ICE2: variants seen among roughly 807,000 people sequenced by gnomAD.
ICE2 encodes the protein little elongation complex subunit 2.
Under a neutral mutation model 105.4 loss-of-function variants are expected in ICE2, and 87 were observed. The observed-to-expected ratio is 0.83, with a 90% CI of 0.69 to 0.99. The LOEUF is 0.99. ICE2 is among the 50% of genes least tolerant of loss of function. The probability of loss-of-function intolerance (pLI) is 0.00; values close to 1 mark genes in which losing one functional copy is unlikely to be tolerated. For missense variants in ICE2, 1,323 were observed against 1,146.7 expected, an observed-to-expected ratio of 1.15 and a Z score of -2.22; for synonymous variants, 399 against 392.0, an observed-to-expected ratio of 1.02 and a Z score of -0.21.
In ICE2 at chr15:60,449,719, T is replaced by G; in HGVS notation, c.1248A>C (p.Ser416=). ...FGVTTTKVSK[S]PSPASTSTVP... is the part of the protein sequence containing the mutation. ...CTGTGGAAGTACTTGCTGGACTTGG[T>G]GATTTTGATACTTTGGTGGTGGTTA... Residue 416 remains serine (S), a synonymous_variant, in exon 10 of 16, where the codon TCA becomes TCC. Coordinates refer to ENST00000261520, the MANE Select transcript of ICE2 (RefSeq NM_024611.6). 1 of 1,614,192 alleles carries G rather than the reference T, an allele frequency of 6.2e-7. No individual in the cohort carries two copies. Among genetic ancestry groups the G allele is most frequent in the Non-Finnish European group, 8.5e-7 (1 of 1,180,032 alleles).
Position 60,476,082 on chromosome 15 carries a change from G to C in ICE2, c.127C>G (p.Leu43Val). The C allele has an allele frequency of 6.2e-7, 1 of 1,600,168 alleles. No homozygotes were observed. The highest frequency in any genetic ancestry group is 8.5e-7 in the Non-Finnish European group (1 of 1,174,102). ...DHSMAPSLKE[L>V]RVLSNRRIGE... ...TATTACCTGTTGGATAAAACACGTA[G>C]TTCTTTTAAACTTGGAGCCATGGAA... The change falls in exon 3 of 16, where the codon CTA becomes GTA. Residue 43 changes from leucine (L) to valine (V), a missense_variant. Leu to Val is a conservative substitution (Grantham distance 32, BLOSUM62 1). Coordinates refer to ENST00000261520, the MANE Select transcript of ICE2 (RefSeq NM_024611.6).
rs368911245 is a variant in ICE2 at position 60,456,584 on chromosome 15, T to TAC, written c.666+71_666+72dup. The TAC allele has an allele frequency of 5.5e-3, 1,093 of 197,514 alleles. 6 individuals are homozygous for TAC. The highest frequency in any genetic ancestry group is 0.02 in the Middle Eastern group (11 of 562). The allele number at this position is 197,514 out of a possible 1,614,324, so 12.2% of individuals were successfully genotyped here. Reference sequence around the variant, plus strand: ...ATAAATAAATATATATATATATATATACACACACACACACACACACACACA... The same window carrying TAC: ...ATAAATAAATATATATATATATATATACACACACACACACACACACACACACA... On this transcript the variant is annotated intron_variant, in intron 6 of 15. Coordinates refer to ENST00000261520, the MANE Select transcript of ICE2 (RefSeq NM_024611.6).
chr15:60,449,157 C>A lies in ICE2; in HGVS notation c.1810G>T (p.Ala604Ser). Residue 604 changes from alanine to serine, a missense_variant, in exon 10 of 16, where the codon GCT becomes TCT. By Grantham distance (99) the Ala-to-Ser change is moderately conservative. Coordinates refer to ENST00000261520, the MANE Select transcript of ICE2 (RefSeq NM_024611.6). ...VVGSNLSSRP[A>S]SPNSSSGQAS... is the part of the protein sequence containing the mutation. ...TGTCCTGAGGAAGAATTTGGACTAGCTGGTCTGGAACTTAAGTTAGAACCC... is the reference window on the plus strand; with the variant it reads ...TGTCCTGAGGAAGAATTTGGACTAGATGGTCTGGAACTTAAGTTAGAACCC... 4 of 1,614,076 alleles carry A rather than the reference C, an allele frequency of 2.5e-6. No individual in the cohort carries two copies. Among genetic ancestry groups the A allele is most frequent in the Non-Finnish European group, 3.4e-6 (4 of 1,179,956 alleles).
In ICE2 at chr15:60,449,626, T is replaced by G. The variant is rs776748506; in HGVS notation, c.1341A>C (p.Pro447=). ...AGTTTVAPSA[P]DISANSRSLS... ...AACTTCTAGAATTAGCAGAAATGTCTGGTGCACTTGGTGCCACAGTTGTAG... is the reference window on the plus strand; with the variant it reads ...AACTTCTAGAATTAGCAGAAATGTCGGGTGCACTTGGTGCCACAGTTGTAG... The change falls in exon 10 of 16, where the codon CCA becomes CCC. Residue 447 remains proline (P), a synonymous_variant. Transcript: ENST00000261520. 3 of 1,614,116 alleles carry G rather than the reference T, an allele frequency of 1.9e-6. No individual in the cohort carries two copies. In the South Asian group the frequency reaches 3.3e-5, roughly 18 times the overall value.
At chr15:60,464,463 G>C (rs921777245) in intron 5 of ICE2, among the ~76,000 whole-genome samples, 1 of 152,146 alleles carries the variant, frequency 6.6e-6, no homozygotes, top group South Asian at 2.1e-4. Flanking sequence ...AGGGTAATCA[G>C]GGACACCCTC....
At chr15:60,431,741 C>T (rs1445504358) in intron 14 of ICE2, among the ~76,000 whole-genome samples, 193 bp downstream of exon 14, 2 of 152,198 alleles carry the variant, frequency 1.3e-5, no homozygotes, top group African/African-American at 4.8e-5. Context: ...GGAAAATGTA[C>T]TTGCAAGCTC....
chr15:60,463,810 A>G (rs2141126755), intron 5 of ICE2, among the ~76,000 whole-genome samples: 1 of 152,244 alleles, frequency 6.6e-6, no homozygotes, highest in East Asian at 1.9e-4. Context: ...ATCAGGCAAA[A>G]GAGAAGTAGA....
At chr15:60,453,176 G>A (rs1340080690) in intron 9 of ICE2, 5 of 914,010 alleles carry the variant, frequency 5.5e-6, no homozygotes, top group Non-Finnish European at 6.6e-6. Context: ...AGGTTGCAGT[G>A]AGCAGAGATC....
At chr15:60,451,133 A>T in intron 9 of ICE2, 1 of 798,258 alleles carries the variant, frequency 1.3e-6, no homozygotes, top group Non-Finnish European at 1.5e-6. Flanking sequence ...CTGAAAAATA[A>T]AAGAAAAATT....
intron 5 of ICE2, 141 bp downstream of exon 5, chr15:60,466,453 G>T: frequency 2.5e-6 from 2 of 805,738 alleles, no homozygotes; most frequent in Non-Finnish European, 3.9e-6. Context: ...CTATTTTAAT[G>T]CATGATGAAG....
chr15:60,421,916 T>G lies in ICE2; in HGVS notation c.*1718A>C, dbSNP rs184253029. ...TCAAAATGAAACAAAACTTGGTAGT[T>G]GAATATAAGTATTTTCAACTGTTAC... On this transcript the variant is annotated 3_prime_UTR_variant, in exon 16 of 16. Transcript: ENST00000261520. The G allele has an allele frequency of 2.0e-4, 31 of 152,312 alleles. No individual in the cohort carries two copies. The highest frequency in any genetic ancestry group is 7.0e-4 in the African/African-American group (29 of 41,586). The allele number at this position is 152,312 out of a possible 1,614,324, so 9.4% of individuals were successfully genotyped here.
Position 60,456,601 on chromosome 15 carries a change from ACACACACACT to A in ICE2, c.666+46_666+55del, listed in dbSNP as rs575347402. On this transcript the variant is annotated intron_variant, in intron 6 of 15. Coordinates refer to ENST00000261520, the MANE Select transcript of ICE2 (RefSeq NM_024611.6). Reference sequence around the variant, plus strand: ...TATATATATACACACACACACACACACACACACACTATTTCAGACAAAAAAAAGCTTATAT... The same window carrying A: ...TATATATATACACACACACACACACAATTTCAGACAAAAAAAAGCTTATAT... The A allele has an allele frequency of 8.4e-3, 6,024 of 721,316 alleles. 278 individuals carry two copies. The highest frequency in any genetic ancestry group is 0.01 in the Non-Finnish European group (4,751 of 457,414). The allele number at this position is 721,316 out of a possible 1,614,324, so 44.7% of individuals were successfully genotyped here.
intron 5 of ICE2, among the ~76,000 whole-genome samples, chr15:60,462,050 G>T (rs2064293162): frequency 6.6e-6 from 1 of 151,870 alleles, no homozygotes; most frequent in Non-Finnish European, 1.5e-5. Flanking sequence ...CACCAACATT[G>T]GAGAATAAGA....
intron 5 of ICE2, among the ~76,000 whole-genome samples, chr15:60,459,243 T>C (rs111247595): frequency 2.0e-5 from 3 of 152,202 alleles, no homozygotes; most frequent in African/African-American, 7.2e-5. Flanking sequence ...TTAAAAAGCA[T>C]ATTTTTATGA....
At chr15:60,431,451 G>C (rs955615017) in intron 14 of ICE2, among the ~76,000 whole-genome samples, 15 of 152,146 alleles carry the variant, frequency 9.9e-5, no homozygotes, top group African/African-American at 3.6e-4. Context: ...GTGATGCGAC[G>C]CAGAGATCCA....
chr15:60,476,081 A>C lies in ICE2; in HGVS notation c.128T>G (p.Leu43Arg), dbSNP rs1307379604. 4.4e-6 allele frequency: 7 copies of C among 1,599,824 alleles called. No individual in the cohort carries two copies. The highest frequency in any genetic ancestry group is 6.0e-6 in the Non-Finnish European group (7 of 1,173,522). ...ATATTACCTGTTGGATAAAACACGTAGTTCTTTTAAACTTGGAGCCATGGA... is the reference window on the plus strand; with the variant it reads ...ATATTACCTGTTGGATAAAACACGTCGTTCTTTTAAACTTGGAGCCATGGA... ...DHSMAPSLKE[L>R]RVLSNRRIGE... The change falls in exon 3 of 16, where the codon CTA becomes CGA. Residue 43 changes from leucine to arginine, a missense_variant. By Grantham distance (102) the Leu-to-Arg change is moderately radical (BLOSUM62 -2). Transcript: ENST00000261520.
At position 60,436,720 on chromosome 15, in the gene ICE2, CAA is replaced by C. The variant is rs58594280; in HGVS notation, c.2426-495_2426-494del. On this transcript the variant is annotated intron_variant, in intron 12 of 15. Coordinates refer to ENST00000261520, the MANE Select transcript of ICE2 (RefSeq NM_024611.6). Reference sequence around the variant, plus strand: ...GTGGTGACAGAGCCAGACTCTGTCTCAAAAAAAAAAAAAAAAAAAAGAAAGTT... The same window carrying C: ...GTGGTGACAGAGCCAGACTCTGTCTCAAAAAAAAAAAAAAAAAAGAAAGTT... 2.3e-3 allele frequency among the ~76,000 whole-genome samples: 205 copies of C among 87,998 alleles called. No homozygotes were observed. In the East Asian group the frequency reaches 0.026, roughly 11 times the overall value. 57.7% of individuals were successfully genotyped at this position (87,998 alleles called of 152,430 possible).
At chr15:60,464,942 T>G (rs986160077) in intron 5 of ICE2, among the ~76,000 whole-genome samples, 9 of 152,192 alleles carry the variant, frequency 5.9e-5, no homozygotes, top group African/African-American at 1.4e-4. Flanking sequence ...AATTCAAGGC[T>G]GCAGTGAGCT....
intron 3 of ICE2, among the ~76,000 whole-genome samples, chr15:60,471,543 G>C (rs1243476119): frequency 6.6e-6 from 1 of 152,158 alleles, no homozygotes; most frequent in East Asian, 1.9e-4. Flanking sequence ...GCCAGACTAG[G>C]AATGTCAAGA....
Sources: gnomAD v4.1 joint callset for allele counts (sites outside exome capture counted in the v4.1 genomes callset) on GRCh38, gnomAD v4.1.1 for gene constraint, MANE v1.5 for transcripts, NCBI Gene and HGNC (gene_info 2026-07-23, HGNC 2026-07-21) for gene names.